RASSF3: variants seen among roughly 807,000 people sequenced by gnomAD.
RASSF3 encodes ras association domain-containing protein 3.
Under a neutral mutation model 19.9 loss-of-function variants are expected in RASSF3, and 19 were observed. The observed-to-expected ratio is 0.96, with a 90% CI of 0.67 to 1.40. The LOEUF (loss-of-function observed/expected upper bound fraction) is 1.40, where lower values mean the gene tolerates loss of function less well. RASSF3 is among the 40% of genes most tolerant of loss of function. The pLI is 0.00. For missense variants in RASSF3, 306 were observed against 289.8 expected, an observed-to-expected ratio of 1.06 and a Z score of -0.41; for synonymous variants, 110 against 104.2, an observed-to-expected ratio of 1.06 and a Z score of -0.34.
chr12:64,624,002 C>T (rs528353179), intron 1 of RASSF3, among the ~76,000 whole-genome samples: 2 of 151,932 alleles, frequency 1.3e-5, no homozygotes, highest in African/African-American at 4.8e-5. Flanking sequence ...GATTTGGTCA[C>T]GTGAAACTGT....
chr12:64,521,687 G>A (rs890904026), intron 1 of RASSF3, among the ~76,000 whole-genome samples: 1 of 152,084 alleles, frequency 6.6e-6, no homozygotes, highest in Non-Finnish European at 1.5e-5. Context: ...CATCATGCCC[G>A]TCAGTGCCAT....
At chr12:64,544,084 G>C (rs889294910), downstream of RASSF3, among the ~76,000 whole-genome samples, 1 of 152,136 alleles carries the variant, frequency 6.6e-6, no homozygotes, top group African/African-American at 2.4e-5. Context: ...CTCGGTGGGG[G>C]TCCCGTTCCG....
intron 2 of RASSF3, among the ~76,000 whole-genome samples, chr12:64,576,498 G>C (rs1041615432): frequency 6.6e-6 from 1 of 152,084 alleles, no homozygotes; most frequent in Non-Finnish European, 1.5e-5. Flanking sequence ...TTATTAAACA[G>C]GACACAAAAA....
At chr12:64,559,633 G>A (rs1214512372) in intron 2 of RASSF3, among the ~76,000 whole-genome samples, 3 of 152,088 alleles carry the variant, frequency 2.0e-5, no homozygotes, top group Non-Finnish European at 4.4e-5. Context: ...GGCAACTCAA[G>A]CATTTCCACT....
chr12:64,693,386 C>T (rs1868312643), intron 4 of RASSF3, among the ~76,000 whole-genome samples: 1 of 151,714 alleles, frequency 6.6e-6, no homozygotes, highest in South Asian at 2.1e-4. Context: ...TTGACATTCA[C>T]TGCTTCTATT....
At chr12:64,567,709 C>T (rs760716041) in intron 2 of RASSF3, among the ~76,000 whole-genome samples, 24 of 152,232 alleles carry the variant, frequency 1.6e-4, no homozygotes, top group South Asian at 1.0e-3. Flanking sequence ...CAACTGCTAA[C>T]GTCCTGTTCC....
At chr12:64,660,564 G>A (rs540222501) in intron 1 of RASSF3, among the ~76,000 whole-genome samples, 20 of 152,184 alleles carry the variant, frequency 1.3e-4, no homozygotes, top group Admixed American at 1.3e-3. Flanking sequence ...TAATTTCTTG[G>A]CCTTTAAGGA....
intron 1 of RASSF3, among the ~76,000 whole-genome samples, chr12:64,510,644 C>A (rs764944633): frequency 3.3e-5 from 5 of 152,128 alleles, no homozygotes; most frequent in Non-Finnish European, 5.9e-5. Context: ...CTATCTCCCC[C>A]TAGAAGACAA....
chr12:64,662,457 T>C (rs1374594024), intron 1 of RASSF3, among the ~76,000 whole-genome samples: 3 of 151,588 alleles, frequency 2.0e-5, no homozygotes, highest in Non-Finnish European at 4.4e-5. Flanking sequence ...TGCCTAGATA[T>C]CTGTTAGATT....
At chr12:64,565,303 G>A (rs1471890245) in intron 2 of RASSF3, among the ~76,000 whole-genome samples, 5 of 152,098 alleles carry the variant, frequency 3.3e-5, no homozygotes, top group South Asian at 2.1e-4. Context: ...CTGGCCAGGC[G>A]TGGTGGCTCA....
intron 1 of RASSF3, among the ~76,000 whole-genome samples, chr12:64,514,480 C>G (rs757566602): frequency 6.6e-6 from 1 of 152,036 alleles, no homozygotes; most frequent in South Asian, 2.1e-4. Flanking sequence ...CCACCGTGCC[C>G]GGCCAGAATT....
At chr12:64,618,791 C>G (rs930128546) in intron 1 of RASSF3, among the ~76,000 whole-genome samples, 1 of 152,084 alleles carries the variant, frequency 6.6e-6, no homozygotes, top group Non-Finnish European at 1.5e-5. Context: ...TAAAACTGTG[C>G]TGTACAATAC....
rs1235659686 is a variant in RASSF3 at position 64,559,241 on chromosome 12, T to TC, written c.294+17536_294+17537insC. Among the ~76,000 whole-genome samples, 5 of 148,568 alleles carry TC rather than the reference T, an allele frequency of 3.4e-5. No homozygotes were observed. The South Asian group carries it at 6.6e-4, about 20-fold the overall frequency. ...TGTGGGTCCATTTTCTTTTCTTCTTTTTTTCTTTTTTTTTTTTTTTGAGGC... is the reference window on the plus strand; with the variant it reads ...TGTGGGTCCATTTTCTTTTCTTCTTTCTTTTCTTTTTTTTTTTTTTTGAGGC... On this transcript the variant is annotated intron_variant, in intron 2 of 5. Transcript: ENST00000637125.
intron 2 of RASSF3, among the ~76,000 whole-genome samples, chr12:64,552,838 T>A (rs545905005): frequency 9.9e-5 from 15 of 152,218 alleles, no homozygotes; most frequent in African/African-American, 3.4e-4. Flanking sequence ...TTTTTTGAGA[T>A]GGAGTTTCGC....
intron 2 of RASSF3, among the ~76,000 whole-genome samples, chr12:64,553,264 AT>A (rs1201699579): frequency 6.6e-6 from 1 of 152,206 alleles, no homozygotes; most frequent in Non-Finnish European, 1.5e-5. Flanking sequence ...GTCCAGTTCA[AT>A]AATTACACTA....
chr12:64,603,249 T>C (rs1870127681), intron 2 of RASSF3, among the ~76,000 whole-genome samples: 1 of 152,188 alleles, frequency 6.6e-6, no homozygotes, highest in African/African-American at 2.4e-5. Context: ...AGCATTAATG[T>C]CAAGGGCTTT....
At chr12:64,660,990 C>A (rs1046645314) in intron 1 of RASSF3, among the ~76,000 whole-genome samples, 6 of 152,126 alleles carry the variant, frequency 3.9e-5, no homozygotes, top group African/African-American at 1.4e-4. Context: ...TAGAACACCC[C>A]TTTCTTGTGA....
intron 4 of RASSF3, 33 bp downstream of exon 4, chr12:64,691,612 A>G (rs1345232167): frequency 1.5e-6 from 2 of 1,379,214 alleles, no homozygotes; most frequent in South Asian, 1.2e-5. Flanking sequence ...TTTAAACTAT[A>G]CAGAACAGCT....
chr12:64,509,466 A>ATGAGCAAACTGCCTCCAGAAGGTTAGAT (rs1868314059), intron 1 of RASSF3, among the ~76,000 whole-genome samples: 1 of 152,112 alleles, frequency 6.6e-6, no homozygotes, highest in East Asian at 1.9e-4. Flanking sequence ...TAAAAATAAG[A>ATGAGCAAACTGCCTCCAGAAGGTTAGAT]TGAGCAAACT....
Sources: allele counts gnomAD v4.1 joint callset (sites outside exome capture counted in the v4.1 genomes callset), GRCh38; gene constraint gnomAD v4.1.1; transcripts MANE v1.5; gene names NCBI Gene and HGNC (gene_info 2026-07-23, HGNC 2026-07-21).